The following TYW1B variants were observed in gnomAD, a reference collection of about 807,000 sequenced individuals.
The protein encoded by TYW1B is S-adenosyl-L-methionine-dependent tRNA 4-demethylwyosine synthase TYW1B.
A neutral mutation model predicts 86.9 loss-of-function variants in TYW1B; 73 were observed. The observed-to-expected ratio is 0.84, with a 90% CI of 0.70 to 1.02. The LOEUF (loss-of-function observed/expected upper bound fraction) is 1.02, where lower values mean the gene tolerates loss of function less well. Ranked by LOEUF, TYW1B falls within the 50% of genes least tolerant of loss-of-function variation. TYW1B has a pLI of 0.00. For synonymous variants in TYW1B, 248 were observed against 292.8 expected (o/e 0.85, Z 1.56); for missense variants, 637 against 827.4 (o/e 0.77, Z 2.82).
intron 9 of TYW1B, among the ~76,000 whole-genome samples, chr7:72,717,304 A>G (rs1178174863): frequency 1.3e-5 from 2 of 151,144 alleles, no homozygotes; most frequent in East Asian, 3.9e-4. Flanking sequence ...CTGTCTGGAA[A>G]AAAAAAAAAA....
At chr7:72,672,467 CACACAA>C (rs1437938290) in intron 11 of TYW1B, among the ~76,000 whole-genome samples, 27 of 94,936 alleles carry the variant, frequency 2.8e-4, no homozygotes, top group Non-Finnish European at 4.7e-4. Context: ...TGGGCATACA[CACACAA>C]ACACACACAC....
At chr7:72,690,026 T>C (rs367838397) in intron 11 of TYW1B, among the ~76,000 whole-genome samples, 1 of 152,220 alleles carries the variant, frequency 6.6e-6, no homozygotes, top group East Asian at 1.9e-4. Flanking sequence ...TGATGTCAGG[T>C]CAGAGTATCC....
At chr7:72,608,144 T>A (rs1325865097) in intron 13 of TYW1B, among the ~76,000 whole-genome samples, 2 of 152,236 alleles carry the variant, frequency 1.3e-5, no homozygotes, top group Non-Finnish European at 2.9e-5. Flanking sequence ...CTAAGAGGAC[T>A]GGTTGCTATC....
intron 10 of TYW1B, among the ~76,000 whole-genome samples, chr7:72,697,041 AAAAAAAAAAAAAAAAAAAAAG>A (rs1490467216): frequency 1.3e-4 from 1 of 7,984 alleles, no homozygotes; most frequent in Non-Finnish European, 7.7e-4. Context: ...TAAAAAAAAA[AAAAAAAAAAAAAAAAAAAAAG>A]GACTGTCTTA....
intron 13 of TYW1B, among the ~76,000 whole-genome samples, chr7:72,601,214 C>T (rs557994541): frequency 6.6e-6 from 1 of 151,826 alleles, no homozygotes; most frequent in South Asian, 2.1e-4. Context: ...GCAGACACAT[C>T]ATAACACAAA....
At chr7:72,605,739 G>C (rs537388529) in intron 13 of TYW1B, among the ~76,000 whole-genome samples, 35 of 152,294 alleles carry the variant, frequency 2.3e-4, no homozygotes, top group African/African-American at 8.2e-4. Flanking sequence ...TTAGGATTAG[G>C]AAAAGATGTT....
intron 12 of TYW1B, among the ~76,000 whole-genome samples, chr7:72,623,387 T>A (rs529247833): frequency 6.6e-6 from 1 of 152,214 alleles, no homozygotes; most frequent in East Asian, 1.9e-4. Flanking sequence ...TGAGGTACCA[T>A]AATACTAAAT....
At chr7:72,759,237 A>T (rs1787647499) in intron 7 of TYW1B, among the ~76,000 whole-genome samples, 1 of 152,132 alleles carries the variant, frequency 6.6e-6, no homozygotes, top group Non-Finnish European at 1.5e-5. Context: ...CGGGAGGCTC[A>T]GGTGTGAAGA....
chr7:72,621,159 C>G (rs1812204395), intron 12 of TYW1B, among the ~76,000 whole-genome samples: 1 of 152,110 alleles, frequency 6.6e-6, no homozygotes, highest in Non-Finnish European at 1.5e-5. Context: ...TCTCTCTGTC[C>G]GTCTGTCTGT....
intron 6 of TYW1B, among the ~76,000 whole-genome samples, chr7:72,794,336 G>A (rs1477230745): frequency 6.6e-6 from 1 of 151,978 alleles, no homozygotes; most frequent in Admixed American, 6.6e-5. Context: ...CAGGAGGATC[G>A]CCTGAGGTAA....
rs560421432 is a variant in TYW1B at position 72,580,231 on chromosome 7, T to C, written c.1786-4512A>G. Among the ~76,000 whole-genome samples the C allele has an allele frequency of 1.7e-3, 259 of 152,198 alleles. 1 individual carries two copies. Among genetic ancestry groups the C allele is most frequent in the African/African-American group, 5.6e-3 (233 of 41,526 alleles). ...ATCGGAGACGAATCATACTGAATAA[T>C]CACAGCTCAGAAAAAATCAAAGTGT... On this transcript the variant is annotated intron_variant, in intron 13 of 13. Transcript: ENST00000620995.
intron 11 of TYW1B, among the ~76,000 whole-genome samples, chr7:72,678,782 C>T (rs1328423582): frequency 6.6e-6 from 1 of 151,924 alleles, no homozygotes; most frequent in Non-Finnish European, 1.5e-5. Flanking sequence ...CTTCATGATC[C>T]GCCTGCCTCA....
At chr7:72,696,047 A>C (rs1554451433) in intron 10 of TYW1B, among the ~76,000 whole-genome samples, 1 of 151,546 alleles carries the variant, frequency 6.6e-6, no homozygotes, top group African/African-American at 2.4e-5. Context: ...CTCCAGGCTC[A>C]AGTGACTCTC....
chr7:72,642,986 T>C (rs1486592398), intron 11 of TYW1B, among the ~76,000 whole-genome samples: 1 of 152,202 alleles, frequency 6.6e-6, no homozygotes, highest in Non-Finnish European at 1.5e-5. Context: ...CAGACACTAT[T>C]GGAAGTTCTG....
At chr7:72,653,548 A>C (rs1813115453) in intron 11 of TYW1B, among the ~76,000 whole-genome samples, 2 of 152,164 alleles carry the variant, frequency 1.3e-5, no homozygotes, top group African/African-American at 4.8e-5. Flanking sequence ...CGGAGCTTGC[A>C]GTGAGCCAAG....
At chr7:72,706,478 G>C (rs1421295730) in intron 10 of TYW1B, among the ~76,000 whole-genome samples, 1 of 144,548 alleles carries the variant, frequency 6.9e-6, no homozygotes, top group Admixed American at 6.9e-5. Context: ...TCTCTCAAAA[G>C]TTCTTTGTGT....
chr7:72,709,539 G>A (rs1371752155), intron 10 of TYW1B, among the ~76,000 whole-genome samples: 2 of 152,086 alleles, frequency 1.3e-5, no homozygotes, highest in Non-Finnish European at 2.9e-5. Context: ...GTGGTGGTGG[G>A]TGCCTGTAGT....
At chr7:72,736,316 G>A (rs1168185632) in intron 8 of TYW1B, among the ~76,000 whole-genome samples, 2 of 152,214 alleles carry the variant, frequency 1.3e-5, no homozygotes, top group Non-Finnish European at 2.9e-5. Context: ...AATAGGCTAC[G>A]ACCTAATGCT....
intron 2 of TYW1B, among the ~76,000 whole-genome samples, chr7:72,824,031 G>GTA (rs1220249624): frequency 6.6e-6 from 1 of 151,914 alleles, no homozygotes; most frequent in Non-Finnish European, 1.5e-5. Context: ...ACATTAAAAG[G>GTA]ACTTTGCTTT....
Sources: allele counts gnomAD v4.1 joint callset (sites outside exome capture counted in the v4.1 genomes callset), GRCh38; gene constraint gnomAD v4.1.1; transcripts MANE v1.5; gene names NCBI Gene and HGNC (gene_info 2026-07-23, HGNC 2026-07-21).